Variants in BAG3 observed in about 807,000 individuals in gnomAD.
BAG3 encodes BAG cochaperone 3.
In BAG3, 14 loss-of-function variants were observed where a neutral mutation model predicts 40.5. The observed-to-expected ratio is 0.35, with a 90% confidence interval of 0.23 to 0.54. The LOEUF is 0.54. BAG3 is among the 20% of genes least tolerant of loss of function. The pLI is 0.91. For synonymous variants in BAG3, 302 were observed against 307.8 expected (o/e 0.98, Z 0.20); for missense variants, 788 against 758.6 (o/e 1.04, Z -0.46).
At chr10:119,666,908 C>G (rs891202210) in intron 1 of BAG3, among the ~76,000 whole-genome samples, 2 of 152,220 alleles carry the variant, frequency 1.3e-5, no homozygotes, top group Non-Finnish European at 2.9e-5. Context: ...CCAGCCACTA[C>G]CATCTCCTCC....
intron 1 of BAG3, among the ~76,000 whole-genome samples, chr10:119,656,033 A>C (rs1007464300): frequency 2.0e-5 from 3 of 152,098 alleles, no homozygotes; most frequent in African/African-American, 7.2e-5. Context: ...ACCTTATATA[A>C]ACCACTCTAC....
Position 119,670,131 on chromosome 10 carries a change from T to A in BAG3, c.461T>A (p.Val154Glu). ...TTQPDKQCGQVAAAAAAQPPA... is the reference protein window; with the variant it reads ...TTQPDKQCGQEAAAAAAQPPA... ...CAGCCAGATAAACAGTGTGGACAGG[T>A]GGCAGCGGCGGCGGCAGCCCAGCCC... is the stretch of plus-strand genomic sequence containing the variant. Residue 154 changes from valine to glutamate, a missense_variant, in exon 2 of 4, where the codon GTG becomes GAG. Val to Glu is a moderately radical substitution (Grantham distance 121). Transcript: ENST00000369085. 3.7e-6 allele frequency: 6 copies of A among 1,612,612 alleles called. No individual in the cohort carries two copies. The highest frequency in any genetic ancestry group is 5.1e-6 in the Non-Finnish European group (6 of 1,179,252).
chr10:119,674,347 T>C (rs1362424663), intron 3 of BAG3, among the ~76,000 whole-genome samples: 2 of 152,104 alleles, frequency 1.3e-5, no homozygotes, highest in Non-Finnish European at 2.9e-5. Flanking sequence ...CATACTTGGG[T>C]TCAGCAATCC....
At chr10:119,665,353 G>A (rs1237666797) in intron 1 of BAG3, among the ~76,000 whole-genome samples, 2 of 151,662 alleles carry the variant, frequency 1.3e-5, no homozygotes, top group Non-Finnish European at 2.9e-5. Context: ...TGTTAGCCAG[G>A]ATGGTCTCCA....
intron 1 of BAG3, among the ~76,000 whole-genome samples, 170 bp from the exon 2 acceptor site, chr10:119,669,681 C>T (rs1410838200): frequency 7.2e-5 from 11 of 152,188 alleles, no homozygotes; most frequent in Non-Finnish European, 2.9e-5. Context: ...CAAATAGCAA[C>T]CTCTATGGGG....
chr10:119,665,146 T>TA (rs1564771856), intron 1 of BAG3, among the ~76,000 whole-genome samples: 1 of 69,850 alleles, frequency 1.4e-5, no homozygotes, highest in East Asian at 4.1e-4. Context: ...ATATATATAT[T>TA]TTTTTTTTTA....
At position 119,672,724 on chromosome 10, in the gene BAG3, G is replaced by C. The variant is rs558720552; in HGVS notation, c.909+68G>C. 4.7e-4 allele frequency: 755 copies of C among 1,598,628 alleles called. No individual in the cohort carries two copies. Among genetic ancestry groups the C allele is most frequent in the Non-Finnish European group, 6.2e-4 (729 of 1,177,636 alleles). On this transcript the variant is annotated intron_variant, in intron 3 of 3. Transcript: ENST00000369085. The surrounding 1 kb of genome is among the most constrained non-coding windows in gnomAD (Gnocchi z 4.8). ...TCTCCAGGGGTGCAGGAGCTCTGTG[G>C]GTGCCCTGGGTTCCCCCTTCATCCC...
intron 2 of BAG3, 30 bp downstream of exon 2, chr10:119,670,207 T>C (rs762531401): frequency 6.4e-7 from 1 of 1,558,862 alleles, no homozygotes; most frequent in East Asian, 2.4e-5. Flanking sequence ...ACCAGCCTGC[T>C]GGGGAGCAAG....
At chr10:119,660,852 G>C (rs941006686) in intron 1 of BAG3, among the ~76,000 whole-genome samples, 9 of 152,190 alleles carry the variant, frequency 5.9e-5, no homozygotes, top group African/African-American at 2.2e-4. Context: ...CCAGCACTTT[G>C]GGAGGCTGAG....
intron 1 of BAG3, among the ~76,000 whole-genome samples, chr10:119,667,247 T>C (rs906535110): frequency 6.6e-6 from 1 of 152,134 alleles, no homozygotes; most frequent in South Asian, 2.1e-4. Context: ...AAAGTGCTGG[T>C]ATTACAGGCT....
intron 1 of BAG3, among the ~76,000 whole-genome samples, chr10:119,665,712 A>C (rs992992832): frequency 6.6e-6 from 1 of 152,074 alleles, no homozygotes; most frequent in Admixed American, 6.5e-5. Flanking sequence ...TTCATTTTTC[A>C]TTGGAATTAT....
intron 1 of BAG3, among the ~76,000 whole-genome samples, chr10:119,663,918 T>C (rs1481281921): frequency 6.6e-6 from 1 of 152,202 alleles, no homozygotes; most frequent in East Asian, 1.9e-4. Flanking sequence ...TTGCATTTCC[T>C]GGGTGCTTCG....
chr10:119,653,159 C>A (rs1471475380), intron 1 of BAG3, among the ~76,000 whole-genome samples: 1 of 152,136 alleles, frequency 6.6e-6, no homozygotes, highest in East Asian at 1.9e-4. Context: ...GCAGTGAGAC[C>A]GTGTACAGGC....
intron 1 of BAG3, among the ~76,000 whole-genome samples, chr10:119,663,887 G>A (rs567899171): frequency 6.6e-6 from 1 of 152,210 alleles, no homozygotes; most frequent in South Asian, 2.1e-4. Context: ...TACTTGGGTT[G>A]GGCTTAAGAG....
intron 3 of BAG3, among the ~76,000 whole-genome samples, chr10:119,675,210 G>A (rs1195760271): frequency 6.6e-6 from 1 of 152,132 alleles, no homozygotes; most frequent in African/African-American, 2.4e-5. Flanking sequence ...GTATGTGCCT[G>A]TAGTTGCAAC....
chr10:119,670,871 T>C (rs1363848355), intron 2 of BAG3, among the ~76,000 whole-genome samples: 2 of 152,190 alleles, frequency 1.3e-5, no homozygotes, highest in Non-Finnish European at 2.9e-5. Flanking sequence ...CAGTAAGTCC[T>C]CTCATTTTCC....
chr10:119,665,134 A>ATTTT (rs1229679118), intron 1 of BAG3, among the ~76,000 whole-genome samples: 7 of 59,698 alleles, frequency 1.2e-4, no homozygotes, highest in South Asian at 4.8e-4. Flanking sequence ...GTGTATATAT[A>ATTTT]TATATATATA....
chr10:119,655,780 C>T (rs1307944293), intron 1 of BAG3, among the ~76,000 whole-genome samples: 1 of 152,148 alleles, frequency 6.6e-6, no homozygotes, highest in African/African-American at 2.4e-5. Context: ...GAAGAACAGC[C>T]TGTGTTGTTC....
At chr10:119,671,802 T>C (rs954662371) in intron 2 of BAG3, among the ~76,000 whole-genome samples, 39 of 152,032 alleles carry the variant, frequency 2.6e-4, no homozygotes, top group African/African-American at 9.4e-4. Flanking sequence ...TGTTTTGCTT[T>C]GTTTGAGGTG....
Sources: gnomAD v4.1 joint callset for allele counts (sites outside exome capture counted in the v4.1 genomes callset) on GRCh38, gnomAD v4.1.1 for gene constraint, Gnocchi (gnomAD v3.1) non-coding constraint, MANE v1.5 for transcripts, NCBI Gene and HGNC (gene_info 2026-07-23, HGNC 2026-07-21) for gene names.